Variants in NEURL1 observed in about 807,000 individuals in gnomAD.
The protein encoded by NEURL1 is neuralized E3 ubiquitin protein ligase 1, also known as E3 ubiquitin-protein ligase NEURL1.
NEURL1 carries 26 observed loss-of-function variants against 41.2 expected under a neutral mutation model. That is an observed-to-expected ratio of 0.63 (90% CI 0.46 to 0.87). NEURL1 has a LOEUF of 0.87. NEURL1 is among the 40% of genes least tolerant of loss of function. NEURL1 has a pLI of 0.00. For synonymous variants in NEURL1, 400 were observed against 402.3 expected, an observed-to-expected ratio of 0.99 and a Z score of 0.07; for missense variants, 761 against 871.1, an observed-to-expected ratio of 0.87 and a Z score of 1.59.
intron 1 of NEURL1, among the ~76,000 whole-genome samples, chr10:103,498,883 G>A (rs1241513660): frequency 2.0e-5 from 3 of 152,156 alleles, no homozygotes; most frequent in Non-Finnish European, 4.4e-5. Context: ...TCCTTTTGTG[G>A]TTGAATAATA....
intron 1 of NEURL1, among the ~76,000 whole-genome samples, chr10:103,548,750 G>C (rs1016932704): frequency 6.6e-6 from 1 of 152,206 alleles, no homozygotes; most frequent in Non-Finnish European, 1.5e-5. Context: ...TTGCTGTTAT[G>C]GATGGAGCCA....
intron 1 of NEURL1, among the ~76,000 whole-genome samples, chr10:103,499,925 C>G (rs1003598031): frequency 2.0e-5 from 3 of 152,240 alleles, no homozygotes; most frequent in Non-Finnish European, 4.4e-5. Flanking sequence ...CCCTTCCCCG[C>G]TTCAGTCACC....
At chr10:103,494,737 T>G in intron 1 of NEURL1, 1 of 465,738 alleles carries the variant, frequency 2.1e-6, no homozygotes, top group South Asian at 3.2e-5. Flanking sequence ...TAGGCGAGCC[T>G]GAAGAGATGG....
chr10:103,495,263 A>T (rs1291438467), intron 1 of NEURL1, among the ~76,000 whole-genome samples: 1 of 152,068 alleles, frequency 6.6e-6, no homozygotes, highest in Non-Finnish European at 1.5e-5. Context: ...CTCAGACCCT[A>T]CTAAATTCCT....
At chr10:103,505,138 C>T (rs1394443550) in intron 1 of NEURL1, among the ~76,000 whole-genome samples, 1 of 150,754 alleles carries the variant, frequency 6.6e-6, no homozygotes, top group Non-Finnish European at 1.5e-5. Context: ...GCTGCAGCCT[C>T]AACCTTCTGG....
rs373242637 is a variant in NEURL1, at chr10:103,571,761, G to A, written c.588G>A (p.Thr196=). ...AVMLFFSGVR[T]ADPLWALVDV... ...TGCTGTTCTTCAGCGGGGTCCGCAC[G>A]GCCGACCCGCTCTGGGCCCTGGTGG... The change falls in exon 3 of 6, where the codon ACG becomes ACA. Residue 196 remains threonine, a synonymous_variant. Transcript: ENST00000369780. 38 of 1,613,670 alleles carry A rather than the reference G, an allele frequency of 2.4e-5. No individual in the cohort carries two copies. The highest frequency in any genetic ancestry group is 1.6e-4 in the Middle Eastern group (1 of 6,084).
chr10:103,583,330 G>A (rs989076584), intron 3 of NEURL1, among the ~76,000 whole-genome samples: 1 of 151,998 alleles, frequency 6.6e-6, no homozygotes, highest in African/African-American at 2.4e-5. Flanking sequence ...TGGGGAAAAG[G>A]GTCAATGTCA....
chr10:103,559,401 A>G (rs1564821557), intron 1 of NEURL1, among the ~76,000 whole-genome samples: 1 of 151,496 alleles, frequency 6.6e-6, no homozygotes, highest in African/African-American at 2.4e-5. Context: ...GTCAGTGGGT[A>G]GCGGGGAAGA....
chr10:103,512,604 C>A (rs1298121009), intron 1 of NEURL1, among the ~76,000 whole-genome samples: 1 of 152,118 alleles, frequency 6.6e-6, no homozygotes, highest in Non-Finnish European at 1.5e-5. Context: ...CAAGACCAGC[C>A]TGGGTGACAT....
At chr10:103,505,926 G>A (rs900986383) in intron 1 of NEURL1, among the ~76,000 whole-genome samples, 4 of 152,202 alleles carry the variant, frequency 2.6e-5, no homozygotes, top group Admixed American at 6.5e-5. Context: ...CATTCTGTCC[G>A]TGGAAGTACA....
At chr10:103,587,003 ATAG>A (rs1173078937) in intron 4 of NEURL1, among the ~76,000 whole-genome samples, 1 of 152,122 alleles carries the variant, frequency 6.6e-6, no homozygotes, top group Non-Finnish European at 1.5e-5. Flanking sequence ...GTGACCTGAG[ATAG>A]TGGCACTGCA....
At chr10:103,544,640 C>T (rs1242136829) in intron 1 of NEURL1, among the ~76,000 whole-genome samples, 1 of 152,250 alleles carries the variant, frequency 6.6e-6, no homozygotes, top group Non-Finnish European at 1.5e-5. Flanking sequence ...CAAACAAAGT[C>T]TAATGTAGCC....
chr10:103,495,002 T>C (rs1429866930), intron 1 of NEURL1, among the ~76,000 whole-genome samples: 1 of 152,174 alleles, frequency 6.6e-6, no homozygotes, highest in Non-Finnish European at 1.5e-5. Context: ...TTTGCATCCA[T>C]TGAATTAGTT....
At chr10:103,538,470 C>T (rs2034744793) in intron 1 of NEURL1, among the ~76,000 whole-genome samples, 1 of 150,562 alleles carries the variant, frequency 6.6e-6, no homozygotes, top group African/African-American at 2.4e-5. Context: ...ACTCAGGAGG[C>T]TGAGGCAGGA....
chr10:103,584,785 G>A lies in NEURL1; in HGVS notation c.899G>A (p.Arg300His). The change falls in exon 4 of 6, where the codon CGC becomes CAC. Residue 300 changes from arginine (R) to histidine (H), a missense_variant. Arg to His is a conservative substitution (Grantham distance 29, BLOSUM62 0). Around this residue, in one of 5 missense-constraint regions of NEURL1, gnomAD observed 443 missense variants for 408.1 expected, o/e 1.09. Transcript: ENST00000369780. Reference sequence around the variant, plus strand: ...GGCGACCTGCGTTTCCACGCCCTGCGCGCCGGCGCGCACGTCCGCATCCTC... The same window carrying A: ...GGCGACCTGCGTTTCCACGCCCTGCACGCCGGCGCGCACGTCCGCATCCTC... ...LDGDLRFHAL[R>H]AGAHVRILDE... 1 of 1,437,264 alleles carries A rather than the reference G, an allele frequency of 7.0e-7. No homozygotes were observed. The highest frequency in any genetic ancestry group is 9.1e-7 in the Non-Finnish European group (1 of 1,100,344). The allele number at this position is 1,437,264 out of a possible 1,614,324, so 89.0% of individuals were successfully genotyped here. A position where few individuals can be genotyped will look rare whatever the true frequency, so the allele number is the denominator to read the frequency against.
chr10:103,567,547 C>T (rs1043093172), intron 1 of NEURL1, among the ~76,000 whole-genome samples: 14 of 152,130 alleles, frequency 9.2e-5, no homozygotes, highest in Non-Finnish European at 1.9e-4. Context: ...CAGGCAAGCA[C>T]CACCACATTC....
At chr10:103,513,971 G>T (rs964179655) in intron 1 of NEURL1, among the ~76,000 whole-genome samples, 5 of 152,118 alleles carry the variant, frequency 3.3e-5, no homozygotes, top group African/African-American at 1.2e-4. Context: ...TGACCCCGCT[G>T]TTGTCAGTGT....
In NEURL1 at chr10:103,499,779, A is replaced by G. The variant is rs117273348; in HGVS notation, c.85+5307A>G. 8.8e-4 allele frequency among the ~76,000 whole-genome samples: 133 copies of G among 151,914 alleles called. 1 individual carries two copies. In the East Asian group the frequency reaches 0.019, roughly 22 times the overall value. ...CCTCTAGCCATTTTTCTGCATTCAC[A>G]TTCTCGCTGCTACTTCCCCTATCTG... is the stretch of plus-strand genomic sequence containing the variant. On this transcript the variant is annotated intron_variant, in intron 1 of 5. Coordinates refer to ENST00000369780, the MANE Select transcript of NEURL1 (RefSeq NM_004210.5).
At chr10:103,555,211 A>AGGGGGCGCGT (rs1201186565) in intron 1 of NEURL1, 2 of 589,368 alleles carry the variant, frequency 3.4e-6, no homozygotes, top group Non-Finnish European at 1.9e-6. Context: ...CGTGTGCCGG[A>AGGGGGCGCGT]GGGGGCGCGT....
Sources: gnomAD v4.1 joint callset for allele counts (sites outside exome capture counted in the v4.1 genomes callset) on GRCh38, gnomAD v4.1.1 for gene constraint, gnomAD v4.1.1 regional missense constraint, MANE v1.5 for transcripts, NCBI Gene and HGNC (gene_info 2026-07-23, HGNC 2026-07-21) for gene names.